The following ZNF609 variants were observed in gnomAD, a reference collection of about 807,000 sequenced individuals.
ZNF609 encodes zinc finger protein 609.
Under a neutral mutation model 109.5 loss-of-function variants are expected in ZNF609, and 11 were observed. The observed-to-expected ratio is 0.10, with a 90% confidence interval of 0.06 to 0.17. The LOEUF (loss-of-function observed/expected upper bound fraction) is 0.17. Ranked by LOEUF, ZNF609 falls within the 10% of genes least tolerant of loss-of-function variation. The probability of loss-of-function intolerance (pLI) is 1.00; values close to 1 mark genes in which losing one functional copy is unlikely to be tolerated. For missense variants in ZNF609, 1,559 were observed against 1,772.4 expected, an observed-to-expected ratio of 0.88 and a Z score of 2.16; for synonymous variants, 646 against 662.0, an observed-to-expected ratio of 0.98 and a Z score of 0.37.
At chr15:64,547,478 A>G (rs2140388726) in intron 2 of ZNF609, among the ~76,000 whole-genome samples, 2 of 152,352 alleles carry the variant, frequency 1.3e-5, no homozygotes, top group South Asian at 2.1e-4. Context: ...TTGACATGGC[A>G]GATGGGAAAC....
At chr15:64,472,589 G>T (rs939239911) in intron 1 of ZNF609, among the ~76,000 whole-genome samples, 11 of 152,168 alleles carry the variant, frequency 7.2e-5, no homozygotes, top group African/African-American at 2.4e-5. Flanking sequence ...TATAAGACGG[G>T]TGCGGTGGCT....
intron 3 of ZNF609, among the ~76,000 whole-genome samples, chr15:64,645,012 C>CCTTCCTTCCTTCCTTT: frequency 9.8e-6 from 1 of 101,982 alleles, no homozygotes; most frequent in East Asian, 2.5e-4. Context: ...TTTCTTTCTT[C>CCTTCCTTCCTTCCTTT]CTTCCTTCCT....
chr15:64,626,586 G>A (rs532391474), intron 3 of ZNF609, among the ~76,000 whole-genome samples: 1 of 152,272 alleles, frequency 6.6e-6, no homozygotes, highest in East Asian at 1.9e-4. Flanking sequence ...GAGGGGAATG[G>A]AGGACACTGA....
chr15:64,522,165 T>A (rs1893900813), intron 2 of ZNF609, among the ~76,000 whole-genome samples: 1 of 152,234 alleles, frequency 6.6e-6, no homozygotes, highest in Non-Finnish European at 1.5e-5. Flanking sequence ...TCCACTCGGT[T>A]TTCTGTTTCT....
At chr15:64,628,379 G>A (rs1319106737) in intron 3 of ZNF609, among the ~76,000 whole-genome samples, 1 of 151,296 alleles carries the variant, frequency 6.6e-6, no homozygotes, top group Admixed American at 6.6e-5. Flanking sequence ...ACAAGTGGAC[G>A]GGCACGGTGG....
intron 2 of ZNF609, chr15:64,592,908 T>C: frequency 1.3e-6 from 1 of 743,748 alleles, no homozygotes; most frequent in Non-Finnish European, 2.2e-6. Flanking sequence ...GCAAGACTCT[T>C]GTCTCAAAAA....
At chr15:64,644,882 C>G (rs2140992749) in intron 3 of ZNF609, among the ~76,000 whole-genome samples, 1 of 152,120 alleles carries the variant, frequency 6.6e-6, no homozygotes, top group Non-Finnish European at 1.5e-5. Flanking sequence ...TGTTAGCTAC[C>G]CTTACTGTGC....
chr15:64,586,282 C>T (rs1252699982), intron 2 of ZNF609, among the ~76,000 whole-genome samples: 7 of 150,574 alleles, frequency 4.6e-5, no homozygotes, highest in Non-Finnish European at 1.0e-4. Flanking sequence ...GCCGAGATCG[C>T]GCCATTGCAC....
At chr15:64,574,190 T>C (rs1390541411) in intron 2 of ZNF609, among the ~76,000 whole-genome samples, 2 of 147,166 alleles carry the variant, frequency 1.4e-5, no homozygotes, top group East Asian at 3.9e-4. Flanking sequence ...TTTTTTTTTT[T>C]TTTTTTGGCA....
intron 2 of ZNF609, among the ~76,000 whole-genome samples, chr15:64,609,136 C>CTTTCTTTCTT (rs1895672451): frequency 8.4e-6 from 1 of 119,648 alleles, no homozygotes; most frequent in African/African-American, 3.1e-5. Context: ...TTCTTTTTTT[C>CTTTCTTTCTT]TTTCTTTTTT....
At chr15:64,577,147 C>T (rs868165990) in intron 2 of ZNF609, among the ~76,000 whole-genome samples, 1 of 38,558 alleles carries the variant, frequency 2.6e-5, no homozygotes, top group Admixed American at 4.2e-4. Context: ...CAAATATATA[C>T]ATATGTGTAT....
At chr15:64,523,372 T>G (rs1893921040) in intron 2 of ZNF609, among the ~76,000 whole-genome samples, 1 of 152,238 alleles carries the variant, frequency 6.6e-6, no homozygotes, top group South Asian at 2.1e-4. Flanking sequence ...GGAACTGTTG[T>G]CAGCACTTTG....
Position 64,683,556 on chromosome 15 carries a change from A to G in ZNF609, c.*1870A>G, listed in dbSNP as rs1465667982. 1 of 152,286 alleles carries G rather than the reference A, an allele frequency of 6.6e-6. No homozygotes were observed. Among genetic ancestry groups the G allele is most frequent in the African/African-American group, 2.4e-5 (1 of 41,416 alleles). 9.4% of individuals were successfully genotyped at this position (152,286 alleles called of 1,614,324 possible). On this transcript the variant is annotated 3_prime_UTR_variant, in exon 10 of 10. Coordinates refer to ENST00000326648, the MANE Select transcript of ZNF609 (RefSeq NM_015042.2). ...CCCCAAAACAGCCTCCCTCATACCC[A>G]TCATTCCCTCTGCCTTCTGCTGCCC...
rs2083234957 is a variant in ZNF609, at chr15:64,685,417, A to T, written c.*3731A>T. Reference sequence around the variant, plus strand: ...GCTTCACTTTCCCTGGCTGATGGCAAGCTGTTGAATCCAGTGTCCAGACTA... The same window carrying T: ...GCTTCACTTTCCCTGGCTGATGGCATGCTGTTGAATCCAGTGTCCAGACTA... On this transcript the variant is annotated 3_prime_UTR_variant, in exon 10 of 10. Coordinates refer to ENST00000326648, the MANE Select transcript of ZNF609 (RefSeq NM_015042.2). 1 of 152,640 alleles carries T rather than the reference A, an allele frequency of 6.6e-6. No homozygotes were observed. The highest frequency in any genetic ancestry group is 6.6e-5 in the Admixed American group (1 of 15,264). The allele number at this position is 152,640 out of a possible 1,614,324, so 9.5% of individuals were successfully genotyped here.
At chr15:64,613,828 G>A (rs527600484) in intron 2 of ZNF609, among the ~76,000 whole-genome samples, 16 of 152,110 alleles carry the variant, frequency 1.1e-4, no homozygotes, top group African/African-American at 3.6e-4. Context: ...GATTACAGGC[G>A]TGAGCCACTC....
chr15:64,665,314 G>T (rs766590858), intron 3 of ZNF609, among the ~76,000 whole-genome samples: 11 of 152,224 alleles, frequency 7.2e-5, no homozygotes, highest in Non-Finnish European at 1.0e-4. Flanking sequence ...AGGCCTTAGA[G>T]TCTGAAAGAT....
At chr15:64,537,394 G>T (rs1281674868) in intron 2 of ZNF609, among the ~76,000 whole-genome samples, 2 of 151,776 alleles carry the variant, frequency 1.3e-5, no homozygotes, top group East Asian at 3.9e-4. Context: ...CCAGCTACTC[G>T]GGAGGCTGAG....
intron 3 of ZNF609, chr15:64,654,119 A>C (rs532787337): frequency 6.6e-6 from 1 of 152,444 alleles, no homozygotes; most frequent in South Asian, 2.1e-4. Context: ...GGCTCACTGC[A>C]ACCTCTGCCT....
intron 2 of ZNF609, among the ~76,000 whole-genome samples, chr15:64,602,998 G>T (rs58199972): frequency 0.017 from 2,415 of 144,738 alleles, 73 homozygotes; most frequent in African/African-American, 0.058. Flanking sequence ...GCCCACCTTG[G>T]TCTCCCAAAG....
Sources: gnomAD v4.1 joint callset for allele counts (sites outside exome capture counted in the v4.1 genomes callset) on GRCh38, gnomAD v4.1.1 for gene constraint, MANE v1.5 for transcripts, NCBI Gene and HGNC (gene_info 2026-07-23, HGNC 2026-07-21) for gene names.